The following OPCML variants were observed in gnomAD, a reference collection of about 807,000 sequenced individuals.
OPCML encodes opioid binding protein/cell adhesion molecule like.
Under a neutral mutation model 37.8 loss-of-function variants are expected in OPCML, and 13 were observed. The observed-to-expected ratio is 0.34, with a 90% CI of 0.22 to 0.55. The LOEUF (loss-of-function observed/expected upper bound fraction) is 0.55. Ranked by LOEUF, OPCML falls within the 20% of genes least tolerant of loss-of-function variation. OPCML has a pLI of 0.91. For missense variants in OPCML, 341 were observed against 435.6 expected, an observed-to-expected ratio of 0.78 and a Z score of 1.93; for synonymous variants, 176 against 168.8, an observed-to-expected ratio of 1.04 and a Z score of -0.33.
intron 2 of OPCML, among the ~76,000 whole-genome samples, chr11:132,690,355 T>A (rs1428613586): frequency 6.6e-6 from 1 of 152,066 alleles, no homozygotes; most frequent in Non-Finnish European, 1.5e-5. Context: ...GGGGCCAGAG[T>A]TAGAAAGTAC....
At chr11:132,522,057 G>A (rs11223102) in intron 4 of OPCML, among the ~76,000 whole-genome samples, 3,088 of 152,270 alleles carry the variant, frequency 0.02, 57 homozygotes, top group Middle Eastern at 0.037. Flanking sequence ...ACTCAAGAAT[G>A]TTATAAAAGT....
At chr11:132,967,039 T>C (rs1299533607) in intron 1 of OPCML, among the ~76,000 whole-genome samples, 1 of 152,108 alleles carries the variant, frequency 6.6e-6, no homozygotes, top group Non-Finnish European at 1.5e-5. Flanking sequence ...ACTAGTGATG[T>C]ACTTAGATTT....
intron 1 of OPCML, among the ~76,000 whole-genome samples, chr11:133,338,368 G>A (rs1314122930): frequency 6.6e-6 from 1 of 152,178 alleles, no homozygotes; most frequent in Non-Finnish European, 1.5e-5. Flanking sequence ...ACTGGGGCGG[G>A]GTGAAGGGAT....
At chr11:132,974,864 T>C (rs1211687648) in intron 1 of OPCML, among the ~76,000 whole-genome samples, 1 of 151,640 alleles carries the variant, frequency 6.6e-6, no homozygotes, top group Admixed American at 6.6e-5. Flanking sequence ...GATTACCTTC[T>C]TCTGCTTGGA....
chr11:133,088,942 C>T (rs1410715486), intron 1 of OPCML, among the ~76,000 whole-genome samples: 1 of 152,186 alleles, frequency 6.6e-6, no homozygotes, highest in African/African-American at 2.4e-5. Flanking sequence ...TCTATCAGAG[C>T]AATGAAAATA....
chr11:133,208,673 G>A lies in OPCML; in HGVS notation c.62-265663C>T, dbSNP rs184430780. Among the ~76,000 whole-genome samples the A allele has an allele frequency of 5.1e-3, 770 of 152,240 alleles. 14 individuals carry two copies. Among genetic ancestry groups the A allele is most frequent in the Non-Finnish European group, 3.3e-3 (222 of 68,024 alleles). The stretch of plus-strand genomic sequence containing the variant: ...TGTTAAGCTTCATGCACCTTCTCAT[G>A]TCCATTTACTGAAGGAATTTCTAAG... On this transcript the variant is annotated intron_variant, in intron 1 of 7. Transcript: ENST00000524381. The surrounding 1 kb of genome is among the most constrained non-coding windows in gnomAD (Gnocchi z 8.9).
chr11:132,434,160 C>T (rs922998501), intron 7 of OPCML, among the ~76,000 whole-genome samples: 11 of 152,126 alleles, frequency 7.2e-5, no homozygotes, highest in African/African-American at 2.7e-4. Flanking sequence ...CCCACCCTAT[C>T]CTCTCAGTGT....
At chr11:132,596,648 T>C (rs1386577889) in intron 3 of OPCML, among the ~76,000 whole-genome samples, 3 of 152,158 alleles carry the variant, frequency 2.0e-5, no homozygotes, top group Non-Finnish European at 4.4e-5. Context: ...GGACAGTCTT[T>C]TGCTTCTGTG....
At chr11:133,408,192 A>C (rs989740618) in intron 1 of OPCML, among the ~76,000 whole-genome samples, 1 of 152,372 alleles carries the variant, frequency 6.6e-6, no homozygotes, top group South Asian at 2.1e-4. Context: ...GATCCAAAAC[A>C]GTTCTACTAT....
At chr11:132,917,862 C>G (rs1944658645) in intron 2 of OPCML, among the ~76,000 whole-genome samples, 1 of 152,192 alleles carries the variant, frequency 6.6e-6, no homozygotes, top group Non-Finnish European at 1.5e-5. Flanking sequence ...AACTCCTGTA[C>G]TTCTGCCCTG....
chr11:133,468,636 T>C (rs1947029363), intron 1 of OPCML, among the ~76,000 whole-genome samples: 1 of 152,178 alleles, frequency 6.6e-6, no homozygotes, highest in Non-Finnish European at 1.5e-5. Flanking sequence ...ACAAATTGTG[T>C]TTGACTGAGA....
intron 1 of OPCML, among the ~76,000 whole-genome samples, chr11:133,524,498 C>T (rs1948452267): frequency 6.6e-6 from 1 of 152,198 alleles, no homozygotes; most frequent in African/African-American, 2.4e-5. Context: ...GGGCCTGACT[C>T]TAAATTTCAA....
At chr11:132,737,132 CT>C (rs1460783984) in intron 2 of OPCML, among the ~76,000 whole-genome samples, 2 of 152,154 alleles carry the variant, frequency 1.3e-5, no homozygotes, top group African/African-American at 4.8e-5. Context: ...AAAGAACAGA[CT>C]GCCTAGTCTC....
chr11:133,289,072 A>G lies in OPCML; in HGVS notation c.61+243192T>C, dbSNP rs539198169. Among the ~76,000 whole-genome samples the G allele has an allele frequency of 2.4e-4, 36 of 152,300 alleles. 1 individual carries two copies. The South Asian group carries it at 7.3e-3, about 31-fold the overall frequency. On this transcript the variant is annotated intron_variant, in intron 1 of 7. Transcript: ENST00000524381. ...TGAGAAAGTCACAGCCATGATTTTG[A>G]TGAAGAATAATGCAGACCAGAATTA...
intron 1 of OPCML, among the ~76,000 whole-genome samples, chr11:133,176,627 C>T (rs1937604554): frequency 6.6e-6 from 1 of 152,024 alleles, no homozygotes; most frequent in Non-Finnish European, 1.5e-5. Context: ...GTGGCACCTC[C>T]CCTTCCTCTT....
At chr11:133,389,189 A>C (rs1945117286) in intron 1 of OPCML, among the ~76,000 whole-genome samples, 1 of 152,232 alleles carries the variant, frequency 6.6e-6, no homozygotes, top group Non-Finnish European at 1.5e-5. Flanking sequence ...GCCTGCCAAA[A>C]TGTCTACACC....
chr11:133,141,641 G>T (rs564455831), intron 1 of OPCML, among the ~76,000 whole-genome samples: 1 of 152,158 alleles, frequency 6.6e-6, no homozygotes, highest in East Asian at 1.9e-4. Flanking sequence ...TCACCTGGCT[G>T]CTCCCAGCAA....
chr11:133,321,901 C>A (rs1192552541), intron 1 of OPCML, among the ~76,000 whole-genome samples: 3 of 151,976 alleles, frequency 2.0e-5, no homozygotes, highest in South Asian at 2.1e-4. Context: ...TGACTGCAAA[C>A]CTCAAGCAGG....
intron 3 of OPCML, among the ~76,000 whole-genome samples, chr11:132,613,973 G>A (rs11223147): frequency 0.31 from 46,533 of 151,768 alleles, 8,831 homozygotes; most frequent in Non-Finnish European, 0.43. Context: ...CATATTTTCC[G>A]TGTAGTAATC....
Sources: allele counts gnomAD v4.1 joint callset (sites outside exome capture counted in the v4.1 genomes callset), GRCh38; gene constraint gnomAD v4.1.1; non-coding constraint Gnocchi (gnomAD v3.1); transcripts MANE v1.5; gene names NCBI Gene and HGNC (gene_info 2026-07-23, HGNC 2026-07-21).